Variants in CREM observed in about 807,000 individuals in gnomAD.
CREM encodes cAMP-responsive element modulator.
A neutral mutation model predicts 37.3 loss-of-function variants in CREM; 13 were observed. That is an observed-to-expected ratio of 0.35 (90% CI 0.23 to 0.55). The LOEUF (loss-of-function observed/expected upper bound fraction) is 0.55, where lower values mean the gene tolerates loss of function less well. Ranked by LOEUF, CREM falls within the 20% of genes least tolerant of loss-of-function variation. CREM has a pLI of 0.88. For missense variants in CREM, 296 were observed against 362.3 expected (o/e 0.82, Z 1.49); for synonymous variants, 124 against 120.2 (o/e 1.03, Z -0.21).
intron 5 of CREM, among the ~76,000 whole-genome samples, chr10:35,180,819 A>G (rs2094321302): frequency 6.6e-6 from 1 of 152,206 alleles, no homozygotes; most frequent in African/African-American, 2.4e-5. Flanking sequence ...CCCCGTCCCC[A>G]GAGGGGCTGG....
intron 5 of CREM, among the ~76,000 whole-genome samples, chr10:35,181,606 C>T (rs2094354515): frequency 6.6e-6 from 1 of 152,148 alleles, no homozygotes; most frequent in Non-Finnish European, 1.5e-5. Context: ...GGTGTGATGG[C>T]TCCCACCTGT....
chr10:35,159,058 G>C (rs941151578), intron 3 of CREM, among the ~76,000 whole-genome samples: 2 of 151,842 alleles, frequency 1.3e-5, no homozygotes, highest in African/African-American at 4.8e-5. Flanking sequence ...CTTTATCTAT[G>C]AAAAAGTAGT....
intron 3 of CREM, among the ~76,000 whole-genome samples, chr10:35,160,409 CT>C (rs57952915): frequency 1.3e-5 from 2 of 151,068 alleles, no homozygotes; most frequent in Admixed American, 6.6e-5. Flanking sequence ...TGTAGACTGT[CT>C]TTTTTTTTAA....
intron 2 of CREM, among the ~76,000 whole-genome samples, chr10:35,145,321 G>A (rs1433507896): frequency 6.6e-6 from 1 of 151,794 alleles, no homozygotes; most frequent in African/African-American, 2.4e-5. Flanking sequence ...CTGTTTCCCA[G>A]ATATCCTCTG....
In CREM at chr10:35,196,042, C is replaced by T. The variant is rs866898187; in HGVS notation, c.598+7654C>T. On this transcript the variant is annotated intron_variant, in intron 6 of 7. Coordinates refer to ENST00000685392, the MANE Select transcript of CREM (RefSeq NM_183011.2). ...GTGGTTGTCTGCTTGAAGAGGGAAA[C>T]ACGTCATGAAACTGTAATGCATGAA... 9 of 1,613,820 alleles carry T rather than the reference C, an allele frequency of 5.6e-6. No individual in the cohort carries two copies. In the Middle Eastern group the frequency reaches 1.5e-3, roughly 266 times the overall value.
intron 6 of CREM, among the ~76,000 whole-genome samples, chr10:35,199,503 A>G (rs1251506667): frequency 6.6e-6 from 1 of 152,252 alleles, no homozygotes; most frequent in Non-Finnish European, 1.5e-5. Flanking sequence ...AATACCAACT[A>G]TAGAAAGTGC....
In CREM at chr10:35,167,701, C is replaced by T. The variant is rs1214498020; in HGVS notation, c.169-11188C>T. ...TTACCTTATTTCTTCAGATTAAGTACTGTTTATAGTGGGATTTTTGGTGGA... is the reference window on the plus strand; with the variant it reads ...TTACCTTATTTCTTCAGATTAAGTATTGTTTATAGTGGGATTTTTGGTGGA... On this transcript the variant is annotated intron_variant, in intron 3 of 7. Coordinates refer to ENST00000685392, the MANE Select transcript of CREM (RefSeq NM_183011.2). 3.1e-6 allele frequency: 5 copies of T among 1,608,972 alleles called. No individual in the cohort carries two copies. The East Asian group carries it at 8.9e-5, about 29-fold the overall frequency.
intron 3 of CREM, among the ~76,000 whole-genome samples, chr10:35,161,932 C>T (rs1234690676): frequency 2.0e-5 from 3 of 152,046 alleles, no homozygotes. Flanking sequence ...GGTATCTATC[C>T]AAAGGAGATG....
chr10:35,157,510 C>T (rs1232698897), intron 3 of CREM, among the ~76,000 whole-genome samples: 1 of 151,920 alleles, frequency 6.6e-6, no homozygotes, highest in Non-Finnish European at 1.5e-5. Flanking sequence ...TGGCACACAC[C>T]TGTAAGTCCC....
intron 2 of CREM, among the ~76,000 whole-genome samples, chr10:35,142,168 A>C (rs1158521873): frequency 6.6e-6 from 1 of 152,168 alleles, no homozygotes; most frequent in African/African-American, 2.4e-5. Flanking sequence ...GTTCAAGGGA[A>C]TAGCTCGAGA....
intron 1 of CREM, among the ~76,000 whole-genome samples, chr10:35,130,698 A>T (rs745385747): frequency 6.6e-6 from 1 of 152,232 alleles, no homozygotes; most frequent in African/African-American, 2.4e-5. Flanking sequence ...CGTCTGCAGT[A>T]TATAGTACAG....
chr10:35,160,685 A>G (rs1040758696), intron 3 of CREM, among the ~76,000 whole-genome samples: 2 of 151,692 alleles, frequency 1.3e-5, no homozygotes, highest in African/African-American at 4.9e-5. Context: ...TTACTTTTTG[A>G]CTTTTGTAAT....
chr10:35,167,789 G>A (rs1564859718), intron 3 of CREM: 18 of 1,613,988 alleles, frequency 1.1e-5, no homozygotes, highest in Non-Finnish European at 1.4e-5. Flanking sequence ...TTCTTCAGGG[G>A]ATGTGGAAGA....
intron 1 of CREM, among the ~76,000 whole-genome samples, chr10:35,135,753 TA>T (rs1281654105): frequency 1.4e-3 from 165 of 118,846 alleles, no homozygotes; most frequent in Middle Eastern, 4.3e-3. Flanking sequence ...AGAGAGACAT[TA>T]AAAAAAAATG....
At chr10:35,150,498 AC>A (rs1029113156) in intron 3 of CREM, among the ~76,000 whole-genome samples, 1 of 152,166 alleles carries the variant, frequency 6.6e-6, no homozygotes, top group African/African-American at 2.4e-5. Context: ...AGGCTGGGCG[AC>A]AGCCACCTCT....
chr10:35,204,393 A>G (rs993915619), intron 6 of CREM, among the ~76,000 whole-genome samples: 6 of 152,134 alleles, frequency 3.9e-5, no homozygotes, highest in Admixed American at 3.3e-4. Flanking sequence ...CGAGGTCGGG[A>G]GATCAAGACC....
At chr10:35,201,338 A>C in intron 6 of CREM, 1 of 1,100,216 alleles carries the variant, frequency 9.1e-7, no homozygotes, top group African/African-American at 1.5e-5. Context: ...AGAGGAAGGG[A>C]ACTAACATTT....
Position 35,205,380 on chromosome 10 carries a change from T to C in CREM, c.599-1515T>C, listed in dbSNP as rs75990888. On this transcript the variant is annotated intron_variant, in intron 6 of 7. Coordinates refer to ENST00000685392, the MANE Select transcript of CREM (RefSeq NM_183011.2). Reference sequence around the variant, plus strand: ...CTAGAAACCTAAGAAAGAAAAATTATCTTTCCCCAGAGAAACTAGGTTTAA... The same window carrying C: ...CTAGAAACCTAAGAAAGAAAAATTACCTTTCCCCAGAGAAACTAGGTTTAA... Among the ~76,000 whole-genome samples, 10 of 152,342 alleles carry C rather than the reference T, an allele frequency of 6.6e-5. No individual in the cohort carries two copies. In the East Asian group the frequency reaches 1.9e-3, roughly 29 times the overall value.
At chr10:35,140,593 G>T (rs951511140) in intron 2 of CREM, among the ~76,000 whole-genome samples, 1 of 152,186 alleles carries the variant, frequency 6.6e-6, no homozygotes, top group African/African-American at 2.4e-5. Flanking sequence ...TGGGATCCCT[G>T]TCCCTGAGTT....
Sources: allele counts gnomAD v4.1 joint callset (sites outside exome capture counted in the v4.1 genomes callset), GRCh38; gene constraint gnomAD v4.1.1; transcripts MANE v1.5; gene names NCBI Gene and HGNC (gene_info 2026-07-23, HGNC 2026-07-21).